DENND1A: variants seen among roughly 807,000 people sequenced by gnomAD.
DENND1A encodes the protein DENN domain containing 1A, also known as DENN domain-containing protein 1A.
A neutral mutation model predicts 113.7 loss-of-function variants in DENND1A; 51 were observed. That is an observed-to-expected ratio of 0.45 (90% CI 0.36 to 0.57). The LOEUF is 0.57. Ranked by LOEUF, DENND1A falls within the 20% of genes least tolerant of loss-of-function variation. The pLI, the probability that DENND1A is intolerant of heterozygous loss-of-function variation, is 0.00. For missense variants in DENND1A, 1,258 were observed against 1,395.9 expected, an observed-to-expected ratio of 0.90 and a Z score of 1.57; for synonymous variants, 565 against 570.8, an observed-to-expected ratio of 0.99 and a Z score of 0.14.
intron 6 of DENND1A, among the ~76,000 whole-genome samples, chr9:123,674,964 G>C (rs1002581159): frequency 6.6e-6 from 1 of 150,944 alleles, no homozygotes; most frequent in South Asian, 2.1e-4. Flanking sequence ...TTTCAAATTT[G>C]AGTGAAAACC....
chr9:123,609,495 C>A lies in DENND1A; in HGVS notation c.720-14G>T. 6.2e-7 allele frequency: 1 copy of A among 1,611,678 alleles called. No individual in the cohort carries two copies. Among genetic ancestry groups the A allele is most frequent in the Non-Finnish European group, 8.5e-7 (1 of 1,178,792 alleles). On this transcript the variant is annotated splice_polypyrimidine_tract_variant and intron_variant, in intron 10 of 23. Transcript: ENST00000394215. ...GGCATGGGAGCACTGTGAAGAGAAA[C>A]AGAGACACACAGCTGCTTTAATGTC...
At chr9:123,630,267 G>C in intron 10 of DENND1A, 109 bp downstream of exon 10, 1 of 226,772 alleles carries the variant, frequency 4.4e-6, no homozygotes. Context: ...GCTGGATGAA[G>C]TTAATATTTT....
chr9:123,919,470 TA>T (rs994361768), intron 1 of DENND1A, among the ~76,000 whole-genome samples: 109 of 144,238 alleles, frequency 7.6e-4, no homozygotes, highest in Non-Finnish European at 7.2e-4. Flanking sequence ...CAACTTCAAC[TA>T]AAAAAAAAAA....
At chr9:123,637,732 G>T (rs2061778027) in intron 9 of DENND1A, among the ~76,000 whole-genome samples, 1 of 152,126 alleles carries the variant, frequency 6.6e-6, no homozygotes, top group African/African-American at 2.4e-5. Context: ...ACAGATGCCG[G>T]ACATGTGAGT....
chr9:123,734,611 G>C (rs1460797575), intron 5 of DENND1A, among the ~76,000 whole-genome samples: 1 of 152,108 alleles, frequency 6.6e-6, no homozygotes, highest in Non-Finnish European at 1.5e-5. Context: ...ACAGAGCTAG[G>C]TTCAAATACT....
At chr9:123,418,137 G>A (rs2044900833) in intron 19 of DENND1A, among the ~76,000 whole-genome samples, 1 of 152,142 alleles carries the variant, frequency 6.6e-6, no homozygotes, top group African/African-American at 2.4e-5. Context: ...CATTGGAGGA[G>A]GATGGGGTAT....
intron 1 of DENND1A, among the ~76,000 whole-genome samples, chr9:123,888,154 C>T (rs960833428): frequency 2.6e-5 from 4 of 152,176 alleles, no homozygotes; most frequent in South Asian, 2.1e-4. Flanking sequence ...AGACAGGGAA[C>T]GTGCTAGATG....
chr9:123,765,852 T>C (rs1828713100), intron 4 of DENND1A, among the ~76,000 whole-genome samples: 1 of 152,170 alleles, frequency 6.6e-6, no homozygotes, highest in Non-Finnish European at 1.5e-5. Flanking sequence ...TCACGTACAC[T>C]GTAGGGTAGA....
rs539683149 is a variant in DENND1A at position 123,416,640 on chromosome 9, C to T, written c.1489-4811G>A. Among the ~76,000 whole-genome samples, 9 of 152,324 alleles carry T rather than the reference C, an allele frequency of 5.9e-5. 1 individual carries two copies. The highest frequency in any genetic ancestry group is 5.2e-4 in the Admixed American group (8 of 15,302). On this transcript the variant is annotated intron_variant, in intron 19 of 23. Transcript: ENST00000394215. ...TTTTGCTAAGGAGAGTTCAATTCGA[C>T]AGTTCCTCCAGCACTTCCCGAGCTG... is the stretch of plus-strand genomic sequence containing the variant.
intron 5 of DENND1A, among the ~76,000 whole-genome samples, chr9:123,699,892 T>G (rs2065782286): frequency 6.6e-6 from 1 of 152,160 alleles, no homozygotes; most frequent in East Asian, 1.9e-4. Flanking sequence ...GAGACGGAGT[T>G]TCGCCATGTT....
intron 5 of DENND1A, chr9:123,736,554 A>C (rs944401302): frequency 6.6e-6 from 1 of 152,208 alleles, no homozygotes; most frequent in African/African-American, 2.4e-5. Flanking sequence ...AGTGATGACA[A>C]TGCTGATAAT....
At chr9:123,580,159 C>A (rs965898209) in intron 12 of DENND1A, among the ~76,000 whole-genome samples, 1 of 152,220 alleles carries the variant, frequency 6.6e-6, no homozygotes, top group African/African-American at 2.4e-5. Flanking sequence ...CCATAATAAT[C>A]CTCAGAGCAA....
At chr9:123,658,877 T>C (rs1564900032) in intron 8 of DENND1A, among the ~76,000 whole-genome samples, 1 of 152,210 alleles carries the variant, frequency 6.6e-6, no homozygotes, top group Non-Finnish European at 1.5e-5. Context: ...TGATGAGCAA[T>C]TTCTTAGATG....
chr9:123,925,686 C>T (rs1290520205), intron 1 of DENND1A, among the ~76,000 whole-genome samples: 1 of 152,134 alleles, frequency 6.6e-6, no homozygotes, highest in Non-Finnish European at 1.5e-5. Flanking sequence ...GCTTAATCTT[C>T]TTAGTTCTAC....
chr9:123,732,404 A>C (rs1292081877), intron 5 of DENND1A, among the ~76,000 whole-genome samples: 1 of 152,250 alleles, frequency 6.6e-6, no homozygotes, highest in East Asian at 1.9e-4. Context: ...ATGGATCTCA[A>C]ATGCATTTTA....
At chr9:123,770,054 T>C (rs1829482334) in intron 3 of DENND1A, among the ~76,000 whole-genome samples, 1 of 152,240 alleles carries the variant, frequency 6.6e-6, no homozygotes, top group South Asian at 2.1e-4. Flanking sequence ...AACTTGAAGA[T>C]AATTGTCCCT....
At chr9:123,792,077 C>A (rs1011758422) in intron 3 of DENND1A, among the ~76,000 whole-genome samples, 1 of 152,190 alleles carries the variant, frequency 6.6e-6, no homozygotes, top group Non-Finnish European at 1.5e-5. Flanking sequence ...AACTGGCCAA[C>A]CTTAACTCAC....
chr9:123,551,847 GGA>G (rs1382360885), intron 13 of DENND1A, among the ~76,000 whole-genome samples: 2 of 152,170 alleles, frequency 1.3e-5, no homozygotes, highest in East Asian at 3.9e-4. Context: ...CAGATGGGGA[GGA>G]GAAGCCTAGC....
chr9:123,474,951 A>G (rs2049781022), intron 13 of DENND1A, among the ~76,000 whole-genome samples: 1 of 152,346 alleles, frequency 6.6e-6, no homozygotes, highest in African/African-American at 2.4e-5. Flanking sequence ...TCCGAGCCTC[A>G]GTTTCCTTTT....
Sources: gnomAD v4.1 joint callset for allele counts (sites outside exome capture counted in the v4.1 genomes callset) on GRCh38, gnomAD v4.1.1 for gene constraint, MANE v1.5 for transcripts, NCBI Gene and HGNC (gene_info 2026-07-23, HGNC 2026-07-21) for gene names.